PRKCQ: variants seen among roughly 807,000 people sequenced by gnomAD.
The protein encoded by PRKCQ is protein kinase C theta type.
Under a neutral mutation model 91.2 loss-of-function variants are expected in PRKCQ, and 41 were observed. The ratio of observed to expected loss-of-function variants is 0.45; its 90% CI spans 0.35 to 0.58. PRKCQ has a LOEUF of 0.58. Among genes scored for constraint, PRKCQ ranks in the 20% least tolerant of loss-of-function variants. The probability of loss-of-function intolerance (pLI) is 0.00; values close to 1 mark genes in which losing one functional copy is unlikely to be tolerated. For missense variants in PRKCQ, 673 were observed against 896.5 expected (o/e 0.75, Z 3.18); for synonymous variants, 307 against 316.9 (o/e 0.97, Z 0.33).
At chr10:6,514,070 T>C (rs1399397924) in intron 2 of PRKCQ, among the ~76,000 whole-genome samples, 1 of 152,186 alleles carries the variant, frequency 6.6e-6, no homozygotes, top group Non-Finnish European at 1.5e-5. Context: ...TTGACTTTTT[T>C]TCCCTCTATG....
chr10:6,506,509 T>C (rs1838212051), intron 4 of PRKCQ, among the ~76,000 whole-genome samples: 1 of 152,252 alleles, frequency 6.6e-6, no homozygotes, highest in Non-Finnish European at 1.5e-5. Flanking sequence ...AAAAGATCAG[T>C]GTGCCTTTTA....
At chr10:6,413,724 T>TGC in the PRKCQ span, among the ~76,000 whole-genome samples, 30 of 49,718 alleles carry the variant, frequency 6.0e-4, 2 homozygotes, top group African/African-American at 8.8e-4. Flanking sequence ...ATGCCACTTG[T>TGC]GCGCGCGCAC....
intron 4 of PRKCQ, among the ~76,000 whole-genome samples, chr10:6,504,863 G>T (rs1735435461): frequency 6.6e-6 from 1 of 151,516 alleles, no homozygotes; most frequent in African/African-American, 2.4e-5. Flanking sequence ...TTTGGATCTA[G>T]ATATAAAAAG....
At chr10:6,543,251 G>GA (rs1401222505) in intron 1 of PRKCQ, among the ~76,000 whole-genome samples, 1 of 152,242 alleles carries the variant, frequency 6.6e-6, no homozygotes, top group Non-Finnish European at 1.5e-5. Context: ...AAGAAAGGAA[G>GA]AAAAAGTCAC....
At chr10:6,489,141 G>A (rs1243942013) in intron 8 of PRKCQ, among the ~76,000 whole-genome samples, 2 of 151,360 alleles carry the variant, frequency 1.3e-5, no homozygotes, top group African/African-American at 4.9e-5. Context: ...ATTCCACATT[G>A]TCGGCAAAAC....
intron 4 of PRKCQ, among the ~76,000 whole-genome samples, chr10:6,501,197 G>A (rs185439548): frequency 1.5e-4 from 23 of 151,638 alleles, no homozygotes; most frequent in Admixed American, 5.9e-4. Flanking sequence ...AAGTAGAAGG[G>A]AAGAAAAAGA....
At chr10:6,500,657 T>C (rs930742213) in intron 4 of PRKCQ, among the ~76,000 whole-genome samples, 1 of 152,140 alleles carries the variant, frequency 6.6e-6, no homozygotes, top group Non-Finnish European at 1.5e-5. Context: ...GTATTGACTA[T>C]ATTTATTTCT....
upstream of PRKCQ, chr10:6,580,336 G>A (rs868867281): frequency 8.1e-4 from 122 of 149,828 alleles, no homozygotes; most frequent in Middle Eastern, 6.9e-3. Flanking sequence ...CGGGCCCGGC[G>A]CACTGCGGGT....
intron 4 of PRKCQ, among the ~76,000 whole-genome samples, chr10:6,504,872 AG>A (rs1178345718): frequency 6.6e-5 from 10 of 151,446 alleles, no homozygotes; most frequent in Admixed American, 6.6e-4. Flanking sequence ...AGATATAAAA[AG>A]TTTTAAATAT....
the PRKCQ span, among the ~76,000 whole-genome samples, chr10:6,419,363 T>C: frequency 6.6e-6 from 1 of 152,176 alleles, no homozygotes. Flanking sequence ...CTTAAGTAGA[T>C]TTGTGTTTTG....
At chr10:6,498,363 C>A in intron 5 of PRKCQ, 33 bp downstream of exon 5, 1 of 1,609,830 alleles carries the variant, frequency 6.2e-7, no homozygotes, top group Non-Finnish European at 8.5e-7. Context: ...ATGCATAACC[C>A]GAAGCTTGGA....
At chr10:6,578,697 C>G (rs994069176) in intron 1 of PRKCQ, among the ~76,000 whole-genome samples, 1 of 152,246 alleles carries the variant, frequency 6.6e-6, no homozygotes, top group African/African-American at 2.4e-5. Context: ...AACAATGGCA[C>G]TGATCTCAGA....
intron 1 of PRKCQ, among the ~76,000 whole-genome samples, chr10:6,543,212 G>C (rs1266375897): frequency 6.6e-6 from 1 of 152,190 alleles, no homozygotes; most frequent in Non-Finnish European, 1.5e-5. Flanking sequence ...TAATTGGTGA[G>C]CACACATCCT....
chr10:6,504,080 T>C (rs969629556), intron 4 of PRKCQ, among the ~76,000 whole-genome samples: 6 of 152,246 alleles, frequency 3.9e-5, no homozygotes, highest in Admixed American at 1.3e-4. Context: ...CCCAGCCTAA[T>C]TTTTAAAGAA....
At chr10:6,556,084 T>A (rs1281093876) in intron 1 of PRKCQ, among the ~76,000 whole-genome samples, 2 of 152,132 alleles carry the variant, frequency 1.3e-5, no homozygotes, top group African/African-American at 4.8e-5. Context: ...CAGAGTGTTA[T>A]ACAGCAGAAG....
In PRKCQ at chr10:6,511,059, G is replaced by T. The variant is rs1357821968; in HGVS notation, c.254C>A (p.Thr85Asn). ...KGKNVDLISE[T>N]TVELYSLAER... ...AGCCAGCGAGTAGAGCTCCACGGTG[G>T]TTTCAGAGATGAGGTCCACGTTTTT... The change falls in exon 3 of 18, where the codon ACC (threonine) becomes AAC (asparagine). Residue 85 changes from threonine to asparagine, a missense_variant. By Grantham distance (65) the Thr-to-Asn change is moderately conservative (BLOSUM62 0). Transcript: ENST00000263125. The T allele has an allele frequency of 6.2e-7, 1 of 1,613,990 alleles. No individual in the cohort carries two copies. Among genetic ancestry groups the T allele is most frequent in the African/African-American group, 1.3e-5 (1 of 74,896 alleles).
At chr10:6,458,993 G>A (rs896225496) in intron 14 of PRKCQ, among the ~76,000 whole-genome samples, 3 of 152,100 alleles carry the variant, frequency 2.0e-5, no homozygotes, top group African/African-American at 4.8e-5. Context: ...GGTGAGTGAC[G>A]CCACCACACC....
chr10:6,465,560 G>A lies in PRKCQ; in HGVS notation c.1354-1156C>T, dbSNP rs996914919. On this transcript the variant is annotated intron_variant, in intron 12 of 17. Transcript: ENST00000263125. The surrounding 1 kb of genome is among the most constrained non-coding windows in gnomAD (Gnocchi z 4.4). ...TCACAGAATCAGTAATCCATAAAGTGTGAGGACCTTCGGTGCGTCTGGGCA... is the reference window on the plus strand; with the variant it reads ...TCACAGAATCAGTAATCCATAAAGTATGAGGACCTTCGGTGCGTCTGGGCA... Among the ~76,000 whole-genome samples the A allele has an allele frequency of 6.6e-6, 1 of 152,200 alleles. No homozygotes were observed. The highest frequency in any genetic ancestry group is 1.5e-5 in the Non-Finnish European group (1 of 68,042).
chr10:6,570,985 G>A (rs1452689275), intron 1 of PRKCQ, among the ~76,000 whole-genome samples: 1 of 152,122 alleles, frequency 6.6e-6, no homozygotes, highest in Non-Finnish European at 1.5e-5. Context: ...ACTTTCTCAG[G>A]GAAGCAGGAG....
Sources: allele counts gnomAD v4.1 joint callset (sites outside exome capture counted in the v4.1 genomes callset), GRCh38; gene constraint gnomAD v4.1.1; non-coding constraint Gnocchi (gnomAD v3.1); transcripts MANE v1.5; gene names NCBI Gene and HGNC (gene_info 2026-07-23, HGNC 2026-07-21).